DPP10: variants seen among roughly 807,000 people sequenced by gnomAD.
The protein encoded by DPP10 is dipeptidyl peptidase like 10.
DPP10 carries 33 observed loss-of-function variants against 120.9 expected under a neutral mutation model. The observed-to-expected ratio is 0.27, with a 90% CI of 0.21 to 0.37. DPP10 has a LOEUF of 0.37. Ranked by LOEUF, DPP10 falls within the 10% of genes least tolerant of loss-of-function variation. The pLI is 1.00. For synonymous variants in DPP10, 337 were observed against 326.1 expected (o/e 1.03, Z -0.36); for missense variants, 816 against 942.8 (o/e 0.87, Z 1.76).
At chr2:115,086,052 T>C (rs1015594378) in intron 1 of DPP10, among the ~76,000 whole-genome samples, 1 of 152,340 alleles carries the variant, frequency 6.6e-6, no homozygotes, top group East Asian at 1.9e-4. Context: ...AACATGTTTT[T>C]CTGCCATGTC....
intron 1 of DPP10, among the ~76,000 whole-genome samples, chr2:115,234,924 A>G (rs971469015): frequency 6.6e-6 from 1 of 152,158 alleles, no homozygotes; most frequent in African/African-American, 2.4e-5. Flanking sequence ...CTCTTGCTTC[A>G]AAGTCTAAAC....
chr2:115,092,846 A>G (rs1396927), intron 1 of DPP10, among the ~76,000 whole-genome samples: 120,771 of 152,108 alleles, frequency 0.79, 48,694 homozygotes, highest in Non-Finnish European at 0.88. Context: ...ATGTTACTGT[A>G]TTTTGTCGTT....
At chr2:115,048,942 G>T (rs537391534) in intron 1 of DPP10, among the ~76,000 whole-genome samples, 7 of 152,022 alleles carry the variant, frequency 4.6e-5, no homozygotes, top group South Asian at 2.1e-4. Context: ...TCTTCTGTTT[G>T]CCCAGTCATC....
At chr2:115,369,035 A>G (rs2065242887) in intron 3 of DPP10, among the ~76,000 whole-genome samples, 1 of 152,012 alleles carries the variant, frequency 6.6e-6, no homozygotes, top group Admixed American at 6.6e-5. Context: ...CTCTGCATAT[A>G]TTAACAGAGT....
chr2:114,733,044 G>A (rs1008537250), intron 1 of DPP10, among the ~76,000 whole-genome samples: 3 of 152,186 alleles, frequency 2.0e-5, no homozygotes, highest in Non-Finnish European at 4.4e-5. Context: ...CATCCAGAAA[G>A]TAAAGAAGAG....
intron 1 of DPP10, among the ~76,000 whole-genome samples, chr2:114,533,961 G>A (rs979555468): frequency 6.6e-6 from 1 of 152,062 alleles, no homozygotes; most frequent in African/African-American, 2.4e-5. Context: ...TATTACAGTG[G>A]TAATTTTCTC....
At position 115,424,330 on chromosome 2, in the gene DPP10, A is replaced by G. The variant is rs540953948; in HGVS notation, c.272-75180A>G. On this transcript the variant is annotated intron_variant, in intron 3 of 25. Transcript: ENST00000410059. ...TTCCTGAAAATACTTACTAATGTACAGAACTTTTTTATTATAAAATAATGA... is the reference window on the plus strand; with the variant it reads ...TTCCTGAAAATACTTACTAATGTACGGAACTTTTTTATTATAAAATAATGA... Among the ~76,000 whole-genome samples, 24 of 152,248 alleles carry G rather than the reference A, an allele frequency of 1.6e-4. 1 individual carries two copies. In the South Asian group the frequency reaches 4.8e-3, roughly 30 times the overall value.
At position 115,087,537 on chromosome 2, in the gene DPP10, TC is replaced by T. The variant is rs756808950; in HGVS notation, c.61-221701del. On this transcript the variant is annotated intron_variant, in intron 1 of 25. Transcript: ENST00000410059. ...TTTCTTTCTTTCTTTTCTTTTCTTT[TC>T]TTTTTTTTTTTTTTTTTTGACAGAG... Among the ~76,000 whole-genome samples the T allele has an allele frequency of 5.4e-3, 706 of 130,116 alleles. 18 individuals carry two copies. The highest frequency in any genetic ancestry group is 0.02 in the African/African-American group (659 of 32,680). The allele number at this position is 130,116 out of a possible 152,430, so 85.4% of individuals were successfully genotyped here.
chr2:115,081,777 C>T (rs1033186366), intron 1 of DPP10, among the ~76,000 whole-genome samples: 1 of 152,182 alleles, frequency 6.6e-6, no homozygotes, highest in African/African-American at 2.4e-5. Flanking sequence ...AGACGTGGTA[C>T]AGAAAATACA....
chr2:114,509,771 G>A (rs182622955), intron 1 of DPP10, among the ~76,000 whole-genome samples: 2 of 152,318 alleles, frequency 1.3e-5, no homozygotes, highest in Admixed American at 6.5e-5. Context: ...ATTTGTGAAT[G>A]CTATCAGATG....
At chr2:114,914,169 A>T (rs980184444) in intron 1 of DPP10, among the ~76,000 whole-genome samples, 3 of 152,194 alleles carry the variant, frequency 2.0e-5, no homozygotes, top group Admixed American at 1.3e-4. Flanking sequence ...GTCCACAAAA[A>T]TTTTCCCAAC....
chr2:115,291,156 G>A (rs909754255), intron 1 of DPP10, among the ~76,000 whole-genome samples: 1 of 151,772 alleles, frequency 6.6e-6, no homozygotes, highest in African/African-American at 2.4e-5. Context: ...GGTATGTGCC[G>A]CCATGCCTGG....
At chr2:115,676,257 G>C (rs1246178691) in intron 5 of DPP10, among the ~76,000 whole-genome samples, 1 of 152,192 alleles carries the variant, frequency 6.6e-6, no homozygotes, top group African/African-American at 2.4e-5. Flanking sequence ...AAGGCACTTA[G>C]AGACACTGCT....
chr2:115,239,955 G>T (rs907820542), intron 1 of DPP10, among the ~76,000 whole-genome samples: 1 of 152,160 alleles, frequency 6.6e-6, no homozygotes, highest in Admixed American at 6.6e-5. Flanking sequence ...TGGTTGCATA[G>T]TATTCCATGG....
At chr2:114,508,848 A>C (rs1683898105) in intron 1 of DPP10, among the ~76,000 whole-genome samples, 1 of 152,132 alleles carries the variant, frequency 6.6e-6, no homozygotes, top group South Asian at 2.1e-4. Flanking sequence ...AACTGGACCA[A>C]ATGGATTTTC....
At chr2:115,439,653 TC>T (rs1479068818) in intron 3 of DPP10, among the ~76,000 whole-genome samples, 1 of 152,130 alleles carries the variant, frequency 6.6e-6, no homozygotes, top group Non-Finnish European at 1.5e-5. Context: ...TAATGCAGCT[TC>T]CCCAAATTGT....
intron 1 of DPP10, among the ~76,000 whole-genome samples, chr2:114,911,138 C>T (rs2106635349): frequency 6.6e-6 from 1 of 152,242 alleles, no homozygotes; most frequent in South Asian, 2.1e-4. Flanking sequence ...CTCAATGCTT[C>T]TTGTTTATAG....
intron 7 of DPP10, among the ~76,000 whole-genome samples, chr2:115,708,423 A>C (rs2092206867): frequency 6.6e-6 from 1 of 152,006 alleles, no homozygotes; most frequent in Non-Finnish European, 1.5e-5. Flanking sequence ...TGGAAGTAGA[A>C]TGCAAAGATC....
At chr2:115,840,475 C>T (rs1250281099) in intron 24 of DPP10, among the ~76,000 whole-genome samples, 2 of 151,510 alleles carry the variant, frequency 1.3e-5, no homozygotes, top group Non-Finnish European at 2.9e-5. Flanking sequence ...CAGGTGCCCG[C>T]CACCACACCG....
Sources: allele counts gnomAD v4.1 joint callset (sites outside exome capture counted in the v4.1 genomes callset), GRCh38; gene constraint gnomAD v4.1.1; transcripts MANE v1.5; gene names NCBI Gene and HGNC (gene_info 2026-07-23, HGNC 2026-07-21).